Variants in TAOK1 observed in about 807,000 individuals in gnomAD.
The protein encoded by TAOK1 is TAO kinase 1, also known as serine/threonine-protein kinase TAO1.
TAOK1 carries 21 observed loss-of-function variants against 138.3 expected under a neutral mutation model. The observed-to-expected ratio is 0.15, with a 90% CI of 0.11 to 0.22. TAOK1 has a LOEUF of 0.22. TAOK1 is among the 10% of genes least tolerant of loss of function. TAOK1 has a pLI of 1.00. For missense variants in TAOK1, 651 were observed against 1,227.7 expected (o/e 0.53, Z 7.02); for synonymous variants, 361 against 398.4 (o/e 0.91, Z 1.12).
intron 17 of TAOK1, among the ~76,000 whole-genome samples, chr17:29,526,189 C>T (rs1210616697): frequency 6.6e-6 from 1 of 151,970 alleles, no homozygotes; most frequent in Non-Finnish European, 1.5e-5. Context: ...GCAGGAGAAT[C>T]ACTTGAACCC....
At chr17:29,444,187 G>T (rs547089709) in intron 1 of TAOK1, among the ~76,000 whole-genome samples, 1 of 152,052 alleles carries the variant, frequency 6.6e-6, no homozygotes, top group South Asian at 2.1e-4. Context: ...ATTTCTGTAT[G>T]TGTATTTAGC....
intron 2 of TAOK1, among the ~76,000 whole-genome samples, chr17:29,458,309 G>A (rs763638484): frequency 3.3e-5 from 5 of 152,150 alleles, no homozygotes; most frequent in Non-Finnish European, 7.4e-5. Flanking sequence ...TGAGTCATCA[G>A]GCAAGCTTAT....
chr17:29,520,397 C>G (rs143156213), intron 16 of TAOK1, among the ~76,000 whole-genome samples: 136 of 151,754 alleles, frequency 9.0e-4, no homozygotes, highest in Non-Finnish European at 1.7e-3. Context: ...TGAGACTGTC[C>G]TGGGCAACAT....
chr17:29,434,124 G>A (rs1905948314), intron 1 of TAOK1, among the ~76,000 whole-genome samples: 1 of 152,140 alleles, frequency 6.6e-6, no homozygotes, highest in South Asian at 2.1e-4. Flanking sequence ...ACAGGGAGAG[G>A]GAGGCCAAAA....
At chr17:29,471,161 AAT>A (rs113334146) in intron 3 of TAOK1, among the ~76,000 whole-genome samples, 6 of 149,056 alleles carry the variant, frequency 4.0e-5, no homozygotes, top group Non-Finnish European at 5.9e-5. Context: ...TCATCTAAAA[AAT>A]ATATATATAT....
At chr17:29,413,799 G>A (rs1905200380) in intron 1 of TAOK1, among the ~76,000 whole-genome samples, 1 of 150,966 alleles carries the variant, frequency 6.6e-6, no homozygotes, top group African/African-American at 2.4e-5. Context: ...TCTTTGTTCT[G>A]TGTCTATGGA....
At chr17:29,503,192 C>G (rs944348518) in intron 13 of TAOK1, among the ~76,000 whole-genome samples, 1 of 151,648 alleles carries the variant, frequency 6.6e-6, no homozygotes, top group East Asian at 1.9e-4. Context: ...GTCAGGAGAT[C>G]GAGACCATCT....
intron 13 of TAOK1, among the ~76,000 whole-genome samples, chr17:29,506,721 G>T (rs556080030): frequency 3.3e-5 from 5 of 152,212 alleles, no homozygotes; most frequent in Non-Finnish European, 7.4e-5. Flanking sequence ...CTCCATAAAT[G>T]TATACAATTA....
At chr17:29,413,100 A>T (rs1905184349) in intron 1 of TAOK1, among the ~76,000 whole-genome samples, 1 of 152,216 alleles carries the variant, frequency 6.6e-6, no homozygotes, top group African/African-American at 2.4e-5. Flanking sequence ...GAATTAAGAC[A>T]CAAGAGGAAT....
intron 12 of TAOK1, among the ~76,000 whole-genome samples, chr17:29,499,560 C>CTTT (rs200387206): frequency 1.0e-4 from 11 of 109,150 alleles, no homozygotes; most frequent in South Asian, 2.9e-4. Context: ...TTCTTTCTTT[C>CTTT]TTTCTTTTTT....
chr17:29,486,043 T>C (rs935471219), intron 8 of TAOK1, among the ~76,000 whole-genome samples: 2 of 152,296 alleles, frequency 1.3e-5, no homozygotes, highest in South Asian at 2.1e-4. Flanking sequence ...TGCAGCACTT[T>C]AGTAGGCCAA....
At chr17:29,400,947 G>A (rs992932222) in intron 1 of TAOK1, among the ~76,000 whole-genome samples, 4 of 114,952 alleles carry the variant, frequency 3.5e-5, no homozygotes, top group Non-Finnish European at 6.8e-5. Context: ...GTCTTGCTCT[G>A]TTGCCCAGGC....
chr17:29,523,093 AAT>A (rs1394192092), intron 17 of TAOK1, among the ~76,000 whole-genome samples: 5 of 148,774 alleles, frequency 3.4e-5, no homozygotes, highest in African/African-American at 4.9e-5. Context: ...AAAAAAAAAA[AAT>A]GTACTCAAAT....
rs1195803641 is a variant in TAOK1, at chr17:29,544,681, TGTGA to T, written c.*1662_*1665del. ...ATTGTGTTGGAGGTGGGTAGGAAGC[TGTGA>T]GTATGACTTGAAGAAAAATATCCTT... On this transcript the variant is annotated 3_prime_UTR_variant, in exon 20 of 20. Transcript: ENST00000261716. The T allele has an allele frequency of 6.6e-6, 1 of 152,198 alleles. No individual in the cohort carries two copies. The highest frequency in any genetic ancestry group is 2.4e-5 in the African/African-American group (1 of 41,438). 9.4% of individuals were successfully genotyped at this position (152,198 alleles called of 1,614,324 possible). A position where few individuals can be genotyped will look rare whatever the true frequency, so the allele number is the denominator to read the frequency against.
chr17:29,397,985 G>C (rs4794854), intron 1 of TAOK1, among the ~76,000 whole-genome samples: 121,944 of 151,902 alleles, frequency 0.8, 49,723 homozygotes, highest in East Asian at 0.98. Flanking sequence ...CTTCAGGGCC[G>C]AAGCCGTGAG....
chr17:29,429,461 A>G (rs748254378), intron 1 of TAOK1, among the ~76,000 whole-genome samples: 1 of 151,954 alleles, frequency 6.6e-6, no homozygotes, highest in Non-Finnish European at 1.5e-5. Context: ...TTTTTAGTAG[A>G]GACAGTGTTT....
At chr17:29,452,141 A>C (rs1001474762) in intron 2 of TAOK1, among the ~76,000 whole-genome samples, 4 of 152,152 alleles carry the variant, frequency 2.6e-5, no homozygotes, top group Non-Finnish European at 4.4e-5. Context: ...ACCTGAGCCC[A>C]AGAGGCAGAG....
chr17:29,446,767 G>C (rs1371061993), intron 1 of TAOK1, among the ~76,000 whole-genome samples: 2 of 125,380 alleles, frequency 1.6e-5, no homozygotes, highest in Non-Finnish European at 3.3e-5. Flanking sequence ...AGATGGAGTT[G>C]TGCCCTTGTT....
chr17:29,510,269 T>C (rs958603521), intron 14 of TAOK1, among the ~76,000 whole-genome samples: 1 of 151,940 alleles, frequency 6.6e-6, no homozygotes, highest in Non-Finnish European at 1.5e-5. Context: ...CACAGCTACT[T>C]GGGAGGCTGA....
Sources: allele counts gnomAD v4.1 joint callset (sites outside exome capture counted in the v4.1 genomes callset), GRCh38; gene constraint gnomAD v4.1.1; transcripts MANE v1.5; gene names NCBI Gene and HGNC (gene_info 2026-07-23, HGNC 2026-07-21).